The following SGCZ variants were observed in gnomAD, a reference collection of about 807,000 sequenced individuals.
SGCZ encodes zeta-sarcoglycan.
A neutral mutation model predicts 41.3 loss-of-function variants in SGCZ; 40 were observed. The ratio of observed to expected loss-of-function variants is 0.97; its 90% confidence interval spans 0.75 to 1.26. The LOEUF (loss-of-function observed/expected upper bound fraction) is 1.26. Among genes scored for constraint, SGCZ ranks in the 50% most tolerant of loss-of-function variants. The pLI is 0.00. For synonymous variants in SGCZ, 206 were observed against 137.5 expected, an observed-to-expected ratio of 1.50 and a Z score of -3.49; for missense variants, 552 against 369.8, an observed-to-expected ratio of 1.49 and a Z score of -4.04.
intron 1 of SGCZ, among the ~76,000 whole-genome samples, chr8:14,588,409 G>C (rs962542851): frequency 9.9e-5 from 15 of 151,882 alleles, no homozygotes; most frequent in African/African-American, 3.4e-4. Flanking sequence ...CACATCATTT[G>C]AAAGTAAATA....
At chr8:14,184,287 C>T (rs1410870481) in intron 4 of SGCZ, among the ~76,000 whole-genome samples, 6 of 152,080 alleles carry the variant, frequency 3.9e-5, no homozygotes. Flanking sequence ...AATATTCCCA[C>T]CCCCAATAGC....
chr8:14,204,744 A>T (rs1368214438), intron 4 of SGCZ, among the ~76,000 whole-genome samples: 1 of 152,122 alleles, frequency 6.6e-6, no homozygotes. Context: ...GCTGGGACAC[A>T]CTTATTTTCC....
chr8:14,698,876 G>A (rs763214288), intron 1 of SGCZ, among the ~76,000 whole-genome samples: 18 of 151,916 alleles, frequency 1.2e-4, no homozygotes, highest in Non-Finnish European at 2.2e-4. Flanking sequence ...CCACTATGGG[G>A]TAGAAAGGTA....
At chr8:14,573,308 C>A (rs1350451079) in intron 1 of SGCZ, among the ~76,000 whole-genome samples, 1 of 151,296 alleles carries the variant, frequency 6.6e-6, no homozygotes, top group African/African-American at 2.4e-5. Context: ...AGCCGTTCTC[C>A]GGCCTCAGCC....
At chr8:15,117,686 A>G (rs1176270979) in intron 1 of SGCZ, among the ~76,000 whole-genome samples, 2 of 152,204 alleles carry the variant, frequency 1.3e-5, no homozygotes, top group African/African-American at 4.8e-5. Context: ...TGCTACACAA[A>G]ATTTAAATTA....
At chr8:14,488,507 G>A (rs1419163788) in intron 2 of SGCZ, among the ~76,000 whole-genome samples, 1 of 151,982 alleles carries the variant, frequency 6.6e-6, no homozygotes, top group East Asian at 1.9e-4. Context: ...CCTTTGAGAT[G>A]TAAATCATCC....
intron 1 of SGCZ, among the ~76,000 whole-genome samples, chr8:15,034,496 T>C (rs1006264764): frequency 5.3e-5 from 8 of 152,168 alleles, no homozygotes; most frequent in Admixed American, 1.3e-4. Context: ...GTTAGAGTTA[T>C]AGGAGTTTAA....
intron 1 of SGCZ, among the ~76,000 whole-genome samples, chr8:14,951,395 G>A (rs796741203): frequency 9.9e-5 from 15 of 151,956 alleles, no homozygotes; most frequent in Admixed American, 4.6e-4. Flanking sequence ...TGTCAAATTC[G>A]TTGTCAATAG....
chr8:15,014,543 A>C (rs550258975), intron 1 of SGCZ, among the ~76,000 whole-genome samples: 2 of 152,258 alleles, frequency 1.3e-5, no homozygotes, highest in East Asian at 3.9e-4. Context: ...GACCTTAAGC[A>C]CCAACATGTT....
At chr8:14,539,606 T>G (rs1803398799) in intron 2 of SGCZ, among the ~76,000 whole-genome samples, 1 of 151,982 alleles carries the variant, frequency 6.6e-6, no homozygotes, top group South Asian at 2.1e-4. Flanking sequence ...GGTAAACTTG[T>G]GTCATGGAGG....
intron 2 of SGCZ, among the ~76,000 whole-genome samples, chr8:14,449,285 G>A (rs1268161237): frequency 6.6e-6 from 1 of 152,152 alleles, no homozygotes; most frequent in African/African-American, 2.4e-5. Context: ...ACATTGGCCT[G>A]GACAAAGCTT....
At chr8:14,132,066 C>A (rs1359621242) in intron 5 of SGCZ, among the ~76,000 whole-genome samples, 1 of 152,054 alleles carries the variant, frequency 6.6e-6, no homozygotes, top group Non-Finnish European at 1.5e-5. Flanking sequence ...CTTATTTGAC[C>A]TCCATGATAC....
At chr8:14,768,152 G>C (rs550406521) in intron 1 of SGCZ, among the ~76,000 whole-genome samples, 3 of 152,264 alleles carry the variant, frequency 2.0e-5, no homozygotes, top group East Asian at 3.9e-4. Flanking sequence ...GTTTAACTCT[G>C]CCTACTTATG....
intron 1 of SGCZ, among the ~76,000 whole-genome samples, chr8:14,985,895 G>A (rs1451465479): frequency 1.3e-5 from 2 of 152,154 alleles, no homozygotes; most frequent in South Asian, 2.1e-4. Flanking sequence ...GAATGTGGCA[G>A]AAAACAGATG....
chr8:14,550,093 C>A (rs1003699383), intron 2 of SGCZ, among the ~76,000 whole-genome samples: 2 of 151,794 alleles, frequency 1.3e-5, no homozygotes, highest in African/African-American at 4.8e-5. Context: ...CACCGACATA[C>A]AAGAAAATTC....
rs567086028 is a variant in SGCZ at position 15,068,613 on chromosome 8, C to T, written c.39+168972G>A. 3.5e-4 allele frequency among the ~76,000 whole-genome samples: 53 copies of T among 152,280 alleles called. No individual in the cohort carries two copies. In the Middle Eastern group the frequency reaches 0.01, roughly 29 times the overall value. On this transcript the variant is annotated intron_variant, in intron 1 of 7. Coordinates refer to ENST00000382080, the MANE Select transcript of SGCZ (RefSeq NM_139167.4). ...TCAGTTTTACATCCATGCTTGCATA[C>T]TCAAACTTTCCTTACACATAACACA...
chr8:14,203,289 T>C (rs891270714), intron 4 of SGCZ, among the ~76,000 whole-genome samples: 1 of 152,194 alleles, frequency 6.6e-6, no homozygotes, highest in African/African-American at 2.4e-5. Flanking sequence ...AACAAATTGG[T>C]AAGTGCTGTT....
chr8:14,501,965 G>C (rs771731455), intron 2 of SGCZ, among the ~76,000 whole-genome samples: 3 of 152,040 alleles, frequency 2.0e-5, no homozygotes, highest in African/African-American at 7.2e-5. Flanking sequence ...GAAGCGAAAA[G>C]TATAATCCAT....
At chr8:15,161,006 A>T in intron 1 of SGCZ, among the ~76,000 whole-genome samples, 1 of 151,894 alleles carries the variant, frequency 6.6e-6, no homozygotes, top group African/African-American at 2.4e-5. Flanking sequence ...TTTTCATCTT[A>T]AGTCAAATCA....
Sources: allele counts gnomAD v4.1 joint callset (sites outside exome capture counted in the v4.1 genomes callset), GRCh38; gene constraint gnomAD v4.1.1; transcripts MANE v1.5; gene names NCBI Gene and HGNC (gene_info 2026-07-23, HGNC 2026-07-21).